Variants in CRYL1 observed in about 807,000 individuals in gnomAD.
CRYL1 encodes the protein crystallin lambda 1.
A neutral mutation model predicts 36.6 loss-of-function variants in CRYL1; 29 were observed. The ratio of observed to expected loss-of-function variants is 0.79; its 90% confidence interval spans 0.59 to 1.08. The LOEUF is 1.08. CRYL1 is among the 50% of genes least tolerant of loss of function. CRYL1 has a pLI of 0.00. For synonymous variants in CRYL1, 152 were observed against 151.5 expected (o/e 1.00, Z -0.02); for missense variants, 411 against 407.9 (o/e 1.01, Z -0.06).
intron 1 of CRYL1, among the ~76,000 whole-genome samples, chr13:20,514,039 A>T (rs905735232): frequency 7.9e-5 from 12 of 152,206 alleles, no homozygotes; most frequent in Admixed American, 6.5e-5. Flanking sequence ...ATTATAACAC[A>T]AAGTATAACA....
intron 3 of CRYL1, among the ~76,000 whole-genome samples, chr13:20,441,162 C>T (rs534726242): frequency 2.0e-5 from 3 of 152,318 alleles, no homozygotes; most frequent in African/African-American, 7.2e-5. Flanking sequence ...GGTAGGGCCT[C>T]CCAACGTTCC....
At chr13:20,517,182 A>G (rs1286473977) in intron 1 of CRYL1, among the ~76,000 whole-genome samples, 1 of 152,180 alleles carries the variant, frequency 6.6e-6, no homozygotes, top group Non-Finnish European at 1.5e-5. Flanking sequence ...CCCACCTTAT[A>G]TGGGTGTGCA....
At chr13:20,499,916 G>A (rs1448633361) in intron 2 of CRYL1, among the ~76,000 whole-genome samples, 4 of 152,120 alleles carry the variant, frequency 2.6e-5, no homozygotes, top group African/African-American at 9.7e-5. Context: ...TTGTTGTTTT[G>A]TGTTGATTCT....
At chr13:20,417,006 T>G (rs1002341849) in intron 5 of CRYL1, among the ~76,000 whole-genome samples, 2 of 152,236 alleles carry the variant, frequency 1.3e-5, no homozygotes, top group Non-Finnish European at 2.9e-5. Context: ...CACTGCTTCT[T>G]TCTGCCCATT....
At chr13:20,504,525 C>G (rs1186127599) in intron 2 of CRYL1, among the ~76,000 whole-genome samples, 1 of 151,942 alleles carries the variant, frequency 6.6e-6, no homozygotes, top group Non-Finnish European at 1.5e-5. Context: ...AGGCTGGTCT[C>G]GAACTCCTGA....
At chr13:20,443,232 C>G (rs2032383319) in intron 3 of CRYL1, among the ~76,000 whole-genome samples, 1 of 152,146 alleles carries the variant, frequency 6.6e-6, no homozygotes, top group African/African-American at 2.4e-5. Flanking sequence ...CTGGACCACT[C>G]CCAGGGGAAG....
chr13:20,482,296 G>T (rs2033293449), intron 3 of CRYL1, among the ~76,000 whole-genome samples: 1 of 152,156 alleles, frequency 6.6e-6, no homozygotes, highest in African/African-American at 2.4e-5. Flanking sequence ...CTGACTTTGT[G>T]TAAGGAAACC....
intron 3 of CRYL1, among the ~76,000 whole-genome samples, chr13:20,473,258 C>T (rs996808359): frequency 1.2e-4 from 19 of 152,368 alleles, no homozygotes; most frequent in African/African-American, 2.6e-4. Flanking sequence ...CGGGGAGACC[C>T]GCAGTCCCAC....
intron 3 of CRYL1, among the ~76,000 whole-genome samples, chr13:20,462,226 G>A (rs1351996907): frequency 6.6e-6 from 1 of 150,926 alleles, no homozygotes; most frequent in Non-Finnish European, 1.5e-5. Context: ...AGGAGGGCCT[G>A]GTGGGAGAAG....
intron 3 of CRYL1, among the ~76,000 whole-genome samples, chr13:20,470,926 A>T (rs533586676): frequency 1.4e-5 from 2 of 144,314 alleles, no homozygotes; most frequent in African/African-American, 2.8e-5. Flanking sequence ...AAAAAAAAAA[A>T]CAAAAAAAAA....
intron 2 of CRYL1, among the ~76,000 whole-genome samples, chr13:20,491,114 C>G (rs902826706): frequency 6.6e-6 from 1 of 151,968 alleles, no homozygotes; most frequent in African/African-American, 2.4e-5. Flanking sequence ...GCCATGTTGC[C>G]CAGGTTGATC....
chr13:20,512,315 C>A, intron 2 of CRYL1, 128 bp downstream of exon 2: 1 of 648,996 alleles, frequency 1.5e-6, no homozygotes, highest in Non-Finnish European at 2.7e-6. Context: ...AACTCAGAGG[C>A]ACTGCAGTAG....
At position 20,431,792 on chromosome 13, in the gene CRYL1, A is replaced by C. The variant is rs940921642; in HGVS notation, c.633+310T>G. On this transcript the variant is annotated intron_variant, in intron 5 of 7. Transcript: ENST00000298248. ...AAAAGCTGCCTCTGTGGGAAAATGC[A>C]GTGGGCCACATAGGTTATTATGTCT... The C allele has an allele frequency of 3.9e-6, 5 of 1,279,786 alleles. No homozygotes were observed. In the African/African-American group the frequency reaches 7.5e-5, roughly 19 times the overall value. 79.3% of individuals were successfully genotyped at this position (1,279,786 alleles called of 1,614,324 possible). A position where few individuals can be genotyped will look rare whatever the true frequency, so the allele number is the denominator to read the frequency against.
chr13:20,465,920 T>C (rs948803782), intron 3 of CRYL1, among the ~76,000 whole-genome samples: 1 of 150,366 alleles, frequency 6.7e-6, no homozygotes, highest in African/African-American at 2.5e-5. Context: ...GAGTTCTTGC[T>C]CTATTAGTTT....
At chr13:20,475,593 G>A (rs1212673894) in intron 3 of CRYL1, among the ~76,000 whole-genome samples, 1 of 152,134 alleles carries the variant, frequency 6.6e-6, no homozygotes, top group East Asian at 1.9e-4. Context: ...TTAAGAGTGT[G>A]GCACAGGACC....
At chr13:20,442,292 C>T (rs890092927) in intron 3 of CRYL1, among the ~76,000 whole-genome samples, 18 of 152,184 alleles carry the variant, frequency 1.2e-4, no homozygotes, top group African/African-American at 3.9e-4. Context: ...TTTTTAATGG[C>T]ACATTTGCTT....
chr13:20,525,145 C>T lies in CRYL1; in HGVS notation c.41+609G>A, dbSNP rs1332082895. 6.6e-6 allele frequency among the ~76,000 whole-genome samples: 1 copy of T among 152,062 alleles called. No homozygotes were observed. Among genetic ancestry groups the T allele is most frequent in the Non-Finnish European group, 1.5e-5 (1 of 67,998 alleles). On this transcript the variant is annotated intron_variant, in intron 1 of 7. Coordinates refer to ENST00000298248, the MANE Select transcript of CRYL1 (RefSeq NM_015974.3). The surrounding 1 kb of genome is among the most constrained non-coding windows in gnomAD (Gnocchi z 4.3). ...GCAAACTCTCTGGGCTCCATCGGCC[C>T]CCACCTCCCCTCTGGAAACATCGCC...
chr13:20,428,243 G>A lies in CRYL1; in HGVS notation c.633+3859C>T, dbSNP rs935708958. ...CTCCAAAATCTGAAACTTTTCTAGCGCCAACATGACACTCAAAGGAAATGG... is the reference window on the plus strand; with the variant it reads ...CTCCAAAATCTGAAACTTTTCTAGCACCAACATGACACTCAAAGGAAATGG... On this transcript the variant is annotated intron_variant, in intron 5 of 7. Coordinates refer to ENST00000298248, the MANE Select transcript of CRYL1 (RefSeq NM_015974.3). Among the ~76,000 whole-genome samples, 3 of 152,088 alleles carry A rather than the reference G, an allele frequency of 2.0e-5. No individual in the cohort carries two copies. The East Asian group carries it at 5.8e-4, about 29-fold the overall frequency.
chr13:20,474,290 G>A (rs773232250), intron 3 of CRYL1, among the ~76,000 whole-genome samples: 6 of 152,308 alleles, frequency 3.9e-5, no homozygotes, highest in Middle Eastern at 3.4e-3. Context: ...CCTCCGGTCC[G>A]GGACCAGCGC....
Sources: allele counts gnomAD v4.1 joint callset (sites outside exome capture counted in the v4.1 genomes callset), GRCh38; gene constraint gnomAD v4.1.1; non-coding constraint Gnocchi (gnomAD v3.1); transcripts MANE v1.5; gene names NCBI Gene and HGNC (gene_info 2026-07-23, HGNC 2026-07-21).